Variants in PRTG observed in about 807,000 individuals in gnomAD.
PRTG encodes protogenin.
PRTG carries 67 observed loss-of-function variants against 122.5 expected under a neutral mutation model. The observed-to-expected ratio is 0.55, with a 90% CI of 0.45 to 0.67. The LOEUF (loss-of-function observed/expected upper bound fraction) is 0.67, where lower values mean the gene tolerates loss of function less well. PRTG is among the 30% of genes least tolerant of loss of function. The pLI, the probability that PRTG is intolerant of heterozygous loss-of-function variation, is 0.00. For synonymous variants in PRTG, 554 were observed against 501.1 expected (o/e 1.11, Z -1.41); for missense variants, 1,435 against 1,415.4 (o/e 1.01, Z -0.22).
intron 11 of PRTG, among the ~76,000 whole-genome samples, chr15:55,663,889 T>C (rs1446588101): frequency 6.6e-6 from 1 of 152,158 alleles, no homozygotes; most frequent in African/African-American, 2.4e-5. Flanking sequence ...TCATACAGAA[T>C]GTAACCTTTT....
intron 11 of PRTG, among the ~76,000 whole-genome samples, chr15:55,658,638 A>G (rs1364428056): frequency 2.0e-5 from 3 of 152,140 alleles, no homozygotes; most frequent in Non-Finnish European, 1.5e-5. Context: ...TTCTTATGAT[A>G]GGTCTCTATT....
intron 2 of PRTG, among the ~76,000 whole-genome samples, chr15:55,685,463 A>T: frequency 6.6e-6 from 1 of 152,222 alleles, no homozygotes; most frequent in East Asian, 1.9e-4. Flanking sequence ...AATCATTTGC[A>T]TAATAACTTT....
At chr15:55,640,662 T>C (rs2059284414) in intron 12 of PRTG, among the ~76,000 whole-genome samples, 1 of 152,150 alleles carries the variant, frequency 6.6e-6, no homozygotes. Context: ...AAAATGAAAA[T>C]AGGACTTATA....
At position 55,742,851 on chromosome 15, in the gene PRTG, GAGC is replaced by G. The variant is rs1237585125; in HGVS notation, c.78_80del (p.Leu27del). The G allele has an allele frequency of 6.5e-7, 1 of 1,540,582 alleles. No individual in the cohort carries two copies. The highest frequency in any genetic ancestry group is 1.4e-5 in the African/African-American group (1 of 71,296). On this transcript the variant is annotated inframe_deletion, in exon 1 of 20. Coordinates refer to ENST00000389286, the MANE Select transcript of PRTG (RefSeq NM_173814.6). ...AAGCGCGCCCACCTGGCAAAGGACTGAGCAGCAGCAGGAGCAGGAGCGCGCGGA... is the reference window on the plus strand; with the variant it reads ...AAGCGCGCCCACCTGGCAAAGGACTGAGCAGCAGGAGCAGGAGCGCGCGGA...
chr15:55,704,072 G>A (rs534425870), intron 2 of PRTG, among the ~76,000 whole-genome samples: 3 of 152,278 alleles, frequency 2.0e-5, no homozygotes, highest in African/African-American at 7.2e-5. Flanking sequence ...TGGCTCCTAT[G>A]AATTCAAGGG....
At chr15:55,641,725 T>A (rs888283921) in intron 11 of PRTG, among the ~76,000 whole-genome samples, 1 of 152,208 alleles carries the variant, frequency 6.6e-6, no homozygotes, top group African/African-American at 2.4e-5. Flanking sequence ...TGTTTAAGTT[T>A]TAAGTTTAAA....
At chr15:55,644,463 T>A (rs994671324) in intron 11 of PRTG, among the ~76,000 whole-genome samples, 2 of 152,228 alleles carry the variant, frequency 1.3e-5, no homozygotes, top group Admixed American at 6.5e-5. Context: ...TCTTCAAGTT[T>A]TCCCTTCTTC....
intron 1 of PRTG, chr15:55,742,614 G>C (rs2031648559): frequency 1.9e-6 from 1 of 521,758 alleles, no homozygotes; most frequent in African/African-American, 2.0e-5. Flanking sequence ...GCCCGGAGAA[G>C]CTCCCGCAGC....
At chr15:55,663,563 C>T (rs2059421382) in intron 11 of PRTG, among the ~76,000 whole-genome samples, 2 of 149,634 alleles carry the variant, frequency 1.3e-5, no homozygotes, top group East Asian at 3.9e-4. Context: ...GGTAGGGAGA[C>T]AAAGTTTCGC....
chr15:55,690,712 C>G (rs1472889169), intron 2 of PRTG, among the ~76,000 whole-genome samples: 1 of 152,140 alleles, frequency 6.6e-6, no homozygotes, highest in Non-Finnish European at 1.5e-5. Context: ...AAGGAATAAT[C>G]AACCCAAATT....
At chr15:55,660,361 TA>T (rs1417503258) in intron 11 of PRTG, among the ~76,000 whole-genome samples, 2 of 151,958 alleles carry the variant, frequency 1.3e-5, no homozygotes, top group East Asian at 3.8e-4. Flanking sequence ...GGGTTTCTTT[TA>T]AAAAAAAGAA....
chr15:55,723,704 T>C (rs1270748888), intron 2 of PRTG, among the ~76,000 whole-genome samples: 1 of 151,548 alleles, frequency 6.6e-6, no homozygotes, highest in Non-Finnish European at 1.5e-5. Context: ...ATTCATCACA[T>C]ATTTATTCTT....
chr15:55,623,909 G>A (rs1729544086), intron 18 of PRTG, among the ~76,000 whole-genome samples: 1 of 151,974 alleles, frequency 6.6e-6, no homozygotes, highest in Non-Finnish European at 1.5e-5. Context: ...TTCATACTTG[G>A]GATGTTCTGA....
chr15:55,635,027 T>C (rs1242191367), intron 15 of PRTG, among the ~76,000 whole-genome samples: 3 of 151,496 alleles, frequency 2.0e-5, no homozygotes, highest in African/African-American at 7.3e-5. Context: ...TATGTGGGGC[T>C]TCCTCTCTTC....
At chr15:55,698,395 A>G (rs945315558) in intron 2 of PRTG, among the ~76,000 whole-genome samples, 21 of 152,138 alleles carry the variant, frequency 1.4e-4, no homozygotes, top group African/African-American at 5.1e-4. Context: ...GGCTACAGCA[A>G]TCCTCCCATC....
rs2059126768 is a variant in PRTG at position 55,612,823 on chromosome 15, T to C, written c.*7189A>G. On this transcript the variant is annotated 3_prime_UTR_variant, in exon 20 of 20. Coordinates refer to ENST00000389286, the MANE Select transcript of PRTG (RefSeq NM_173814.6). ...AGTCAATTCCCATTTTCTCTTATGA[T>C]TTTATCCACCTAACATATGAGTGTT... 6.6e-6 allele frequency: 1 copy of C among 150,550 alleles called. No homozygotes were observed. The highest frequency in any genetic ancestry group is 1.5e-5 in the Non-Finnish European group (1 of 67,786). The allele number at this position is 150,550 out of a possible 1,614,324, so 9.3% of individuals were successfully genotyped here.
chr15:55,667,192 C>T (rs1473282), intron 11 of PRTG, among the ~76,000 whole-genome samples: 14 of 141,154 alleles, frequency 9.9e-5, no homozygotes, highest in African/African-American at 2.9e-4. Context: ...CTTTCATTTA[C>T]GACAAATAAT....
At position 55,638,533 on chromosome 15, in the gene PRTG, G is replaced by T. The variant is rs1346307123; in HGVS notation, c.2452+16C>A. The T allele has an allele frequency of 1.9e-6, 3 of 1,582,060 alleles. No homozygotes were observed. The highest frequency in any genetic ancestry group is 2.6e-6 in the Non-Finnish European group (3 of 1,164,372). On this transcript the variant is annotated intron_variant, in intron 14 of 19. Coordinates refer to ENST00000389286, the MANE Select transcript of PRTG (RefSeq NM_173814.6). ...TTTTTTTAAAGATAAAATCTATAGG[G>T]AGCTGTTTTCTTTACCTTCTGGAAG... is the stretch of plus-strand genomic sequence containing the variant.
At chr15:55,731,502 C>T (rs150974547) in intron 2 of PRTG, among the ~76,000 whole-genome samples, 1,681 of 151,502 alleles carry the variant, frequency 0.011, 43 homozygotes, top group African/African-American at 0.039. Context: ...TCCCGAGTAG[C>T]TGGGATTACA....
Sources: allele counts gnomAD v4.1 joint callset (sites outside exome capture counted in the v4.1 genomes callset), GRCh38; gene constraint gnomAD v4.1.1; transcripts MANE v1.5; gene names NCBI Gene and HGNC (gene_info 2026-07-23, HGNC 2026-07-21).